Variants in CBFA2T2 observed in about 807,000 individuals in gnomAD.
The protein encoded by CBFA2T2 is CBFA2/RUNX1 partner transcriptional co-repressor 2, also known as protein CBFA2T2.
A neutral mutation model predicts 62.2 loss-of-function variants in CBFA2T2; 11 were observed. The ratio of observed to expected loss-of-function variants is 0.18; its 90% CI spans 0.11 to 0.29. The LOEUF (loss-of-function observed/expected upper bound fraction) is 0.29, where lower values mean the gene tolerates loss of function less well. CBFA2T2 is among the 10% of genes least tolerant of loss of function. CBFA2T2 has a pLI of 1.00. For missense variants in CBFA2T2, 592 were observed against 774.1 expected, an observed-to-expected ratio of 0.76 and a Z score of 2.79; for synonymous variants, 295 against 287.5, an observed-to-expected ratio of 1.03 and a Z score of -0.27.
At chr20:33,598,326 C>T (rs2014975044) in intron 1 of CBFA2T2, among the ~76,000 whole-genome samples, 1 of 152,098 alleles carries the variant, frequency 6.6e-6, no homozygotes, top group South Asian at 2.1e-4. Context: ...CAGTCTCGAC[C>T]ATAAGAGACA....
chr20:33,539,529 G>A (rs1376995993), intron 1 of CBFA2T2, among the ~76,000 whole-genome samples: 1 of 152,124 alleles, frequency 6.6e-6, no homozygotes, highest in African/African-American at 2.4e-5. Flanking sequence ...TAGGGACTGG[G>A]AGTATATCTT....
intron 1 of CBFA2T2, among the ~76,000 whole-genome samples, chr20:33,597,160 G>A (rs1008493772): frequency 1.3e-5 from 2 of 151,768 alleles, no homozygotes; most frequent in Admixed American, 6.6e-5. Context: ...TCAAACTCTG[G>A]ACTCAAGCCA....
intron 1 of CBFA2T2, among the ~76,000 whole-genome samples, chr20:33,586,766 T>G (rs2146920434): frequency 1.3e-5 from 2 of 152,252 alleles, no homozygotes; most frequent in East Asian, 3.9e-4. Context: ...CAGAGGTATG[T>G]ATTTTGACCC....
intron 1 of CBFA2T2, chr20:33,601,721 G>C (rs1302903683): frequency 6.6e-6 from 1 of 152,046 alleles, no homozygotes; most frequent in Admixed American, 6.6e-5. Context: ...TATTTTCTCA[G>C]TCATGATAAA....
intron 1 of CBFA2T2, among the ~76,000 whole-genome samples, chr20:33,539,111 A>G (rs1229104877): frequency 1.3e-5 from 2 of 152,174 alleles, no homozygotes; most frequent in Non-Finnish European, 2.9e-5. Context: ...ATCAGAGTTG[A>G]GGTTCGGAAA....
At chr20:33,574,842 G>A (rs1331494683) in intron 1 of CBFA2T2, among the ~76,000 whole-genome samples, 1 of 152,124 alleles carries the variant, frequency 6.6e-6, no homozygotes, top group Non-Finnish European at 1.5e-5. Context: ...TTGAATTTTG[G>A]TTGTGTGGTG....
At chr20:33,619,285 C>T (rs1156356635) in intron 3 of CBFA2T2, among the ~76,000 whole-genome samples, 2 of 151,938 alleles carry the variant, frequency 1.3e-5, no homozygotes, top group East Asian at 1.9e-4. Flanking sequence ...TTTAGGAGGC[C>T]GAGGCGGGTG....
chr20:33,517,947 A>G (rs947681866), intron 1 of CBFA2T2, among the ~76,000 whole-genome samples: 11 of 150,560 alleles, frequency 7.3e-5, no homozygotes, highest in African/African-American at 2.4e-4. Context: ...CCCAGCTTAC[A>G]TTTTGCTTTT....
Position 33,490,198 on chromosome 20 carries a change from G to C in CBFA2T2, c.-70G>C. The C allele has an allele frequency of 8.3e-7, 1 of 1,207,822 alleles. No individual in the cohort carries two copies. The highest frequency in any genetic ancestry group is 3.4e-5 in the East Asian group (1 of 29,664). 74.8% of individuals were successfully genotyped at this position (1,207,822 alleles called of 1,614,324 possible). On this transcript the variant is annotated 5_prime_UTR_variant, in exon 1 of 11. Coordinates refer to ENST00000342704, the MANE Select transcript of CBFA2T2 (RefSeq NM_001032999.3). The stretch of plus-strand genomic sequence containing the variant: ...GCGAGGGACCCGGGCCGCGGGTCGA[G>C]GCGGGCGGCGCCTGCGAGGGACCCG...
intron 1 of CBFA2T2, among the ~76,000 whole-genome samples, chr20:33,505,506 G>A (rs1320791411): frequency 1.3e-5 from 2 of 152,152 alleles, no homozygotes; most frequent in African/African-American, 4.8e-5. Context: ...GGGGTCGGCC[G>A]GGTGCAGTGG....
intron 1 of CBFA2T2, among the ~76,000 whole-genome samples, chr20:33,506,363 CCT>C (rs1369151432): frequency 2.0e-5 from 3 of 152,160 alleles, no homozygotes; most frequent in Non-Finnish European, 2.9e-5. Context: ...ACACAGGTCC[CCT>C]CTTTTTTCAT....
chr20:33,544,690 G>C (rs2012487740), intron 1 of CBFA2T2, among the ~76,000 whole-genome samples: 1 of 151,992 alleles, frequency 6.6e-6, no homozygotes, highest in Non-Finnish European at 1.5e-5. Flanking sequence ...GGGATTACAG[G>C]CACCTGCCGC....
chr20:33,552,774 G>A (rs987692862), intron 1 of CBFA2T2, among the ~76,000 whole-genome samples: 22 of 152,280 alleles, frequency 1.4e-4, no homozygotes, highest in Non-Finnish European at 2.9e-4. Context: ...CCTTCTGCAC[G>A]TTTAATGCTG....
At chr20:33,588,121 C>T (rs1465594353) in intron 1 of CBFA2T2, among the ~76,000 whole-genome samples, 1 of 152,174 alleles carries the variant, frequency 6.6e-6, no homozygotes, top group Non-Finnish European at 1.5e-5. Context: ...ACATATTTAA[C>T]ATATACACCT....
chr20:33,589,669 A>T (rs1432781402), intron 1 of CBFA2T2, among the ~76,000 whole-genome samples: 1 of 152,178 alleles, frequency 6.6e-6, no homozygotes. Flanking sequence ...ACAGACTTTG[A>T]GGAGGAAATA....
Position 33,549,840 on chromosome 20 carries a change from A to G in CBFA2T2, c.35-57116A>G, listed in dbSNP as rs564161982. Among the ~76,000 whole-genome samples, 13 of 146,170 alleles carry G rather than the reference A, an allele frequency of 8.9e-5. No individual in the cohort carries two copies. The South Asian group carries it at 2.9e-3, about 33-fold the overall frequency. On this transcript the variant is annotated intron_variant, in intron 1 of 10. Transcript: ENST00000342704. ...CAGCACATGTCTGCAGATGGCATTT[A>G]TGTATAATAGATGGCTGCTGCTTTT...
At chr20:33,623,953 G>GAA (rs1568860606) in intron 5 of CBFA2T2, 4 of 425,642 alleles carry the variant, frequency 9.4e-6, no homozygotes, top group South Asian at 4.9e-5. Context: ...AGAAAGAATT[G>GAA]GAAAAAAAAA....
At chr20:33,622,997 A>G in intron 4 of CBFA2T2, 118 bp from the exon 5 acceptor site, 2 of 875,168 alleles carry the variant, frequency 2.3e-6, no homozygotes, top group Non-Finnish European at 3.5e-6. Flanking sequence ...TTTGAAAATC[A>G]GACTGCCAAG....
chr20:33,643,026 T>C (rs185004797), intron 10 of CBFA2T2, among the ~76,000 whole-genome samples: 10 of 152,336 alleles, frequency 6.6e-5, no homozygotes, highest in African/African-American at 2.4e-4. Context: ...TGAGTTTGCA[T>C]TGGACCAAAA....
Sources: gnomAD v4.1 joint callset for allele counts (sites outside exome capture counted in the v4.1 genomes callset) on GRCh38, gnomAD v4.1.1 for gene constraint, MANE v1.5 for transcripts, NCBI Gene and HGNC (gene_info 2026-07-23, HGNC 2026-07-21) for gene names.